The following ADGRL2 variants were observed in gnomAD, a reference collection of about 807,000 sequenced individuals.
ADGRL2 encodes the protein adhesion G protein-coupled receptor L2.
In ADGRL2, 44 loss-of-function variants were observed where a neutral mutation model predicts 157.4. That is an observed-to-expected ratio of 0.28 (90% CI 0.22 to 0.36). The LOEUF (loss-of-function observed/expected upper bound fraction) is 0.36. ADGRL2 is among the 10% of genes least tolerant of loss of function. ADGRL2 has a pLI of 1.00. For synonymous variants in ADGRL2, 585 were observed against 624.7 expected (o/e 0.94, Z 0.95); for missense variants, 1,510 against 1,768.9 (o/e 0.85, Z 2.63).
At chr1:81,720,353 A>G (rs2084265645) in intron 1 of ADGRL2, among the ~76,000 whole-genome samples, 1 of 152,054 alleles carries the variant, frequency 6.6e-6, no homozygotes, top group Non-Finnish European at 1.5e-5. Context: ...TATTTTTAGT[A>G]GTGACGGGGT....
chr1:81,809,061 T>A (rs1261198816), intron 1 of ADGRL2, among the ~76,000 whole-genome samples: 1 of 152,028 alleles, frequency 6.6e-6, no homozygotes, highest in Non-Finnish European at 1.5e-5. Context: ...AGCACAGCAT[T>A]AATCACGACC....
intron 3 of ADGRL2, chr1:81,586,016 A>G (rs1396060382): frequency 2.6e-5 from 4 of 152,090 alleles, no homozygotes; most frequent in Admixed American, 1.3e-4. Context: ...GATATAATAA[A>G]TATAAAATTT....
intron 6 of ADGRL2, among the ~76,000 whole-genome samples, chr1:81,946,837 G>A (rs1301368592): frequency 2.6e-5 from 4 of 152,110 alleles, no homozygotes; most frequent in Admixed American, 1.3e-4. Context: ...AGAAACTCTA[G>A]AGTTCATTTC....
chr1:81,385,293 A>G (rs892790717), intron 1 of ADGRL2, among the ~76,000 whole-genome samples: 16 of 152,158 alleles, frequency 1.1e-4, no homozygotes, highest in Non-Finnish European at 1.8e-4. Flanking sequence ...ATGTGAATAT[A>G]AGCCTAGCAT....
At chr1:81,606,982 C>T (rs755456653) in intron 3 of ADGRL2, among the ~76,000 whole-genome samples, 4 of 152,176 alleles carry the variant, frequency 2.6e-5, no homozygotes. Flanking sequence ...GCAACACTTT[C>T]ATGAAGTGAA....
chr1:81,526,791 T>C (rs2079468688), intron 2 of ADGRL2, among the ~76,000 whole-genome samples: 1 of 152,234 alleles, frequency 6.6e-6, no homozygotes, highest in Admixed American at 6.5e-5. Flanking sequence ...ACATTCTCCA[T>C]ATTTGGAAAC....
rs190676342 is a variant in ADGRL2, at chr1:81,819,656, A to G, written c.-100-17229A>G. Among the ~76,000 whole-genome samples the G allele has an allele frequency of 2.0e-5, 3 of 152,146 alleles. No individual in the cohort carries two copies. In the East Asian group the frequency reaches 5.8e-4, roughly 29 times the overall value. On this transcript the variant is annotated intron_variant, in intron 1 of 23. Coordinates refer to ENST00000686636, the MANE Select transcript of ADGRL2 (RefSeq NM_001366006.2). ...CTACATGATCTAGGTTTTTATTTGTATTTTAGATGAGATTTCTAGTAGGTA... is the reference window on the plus strand; with the variant it reads ...CTACATGATCTAGGTTTTTATTTGTGTTTTAGATGAGATTTCTAGTAGGTA...
intron 3 of ADGRL2, among the ~76,000 whole-genome samples, chr1:81,617,454 C>T (rs2148696561): frequency 6.6e-6 from 1 of 152,330 alleles, no homozygotes; most frequent in Middle Eastern, 3.4e-3. Flanking sequence ...GGCAACACCA[C>T]TCACATACAT....
chr1:81,426,751 G>T (rs1570936652), intron 1 of ADGRL2: 2 of 462,400 alleles, frequency 4.3e-6, no homozygotes. Context: ...AACCACACAG[G>T]TTGGTGGGTG....
At chr1:81,912,663 A>G (rs1171352197) in intron 3 of ADGRL2, among the ~76,000 whole-genome samples, 1 of 151,088 alleles carries the variant, frequency 6.6e-6, no homozygotes, top group Non-Finnish European at 1.5e-5. Context: ...CAGAGGTAAA[A>G]TTGCCATAAA....
At chr1:81,363,267 T>A (rs1338888251) in intron 1 of ADGRL2, among the ~76,000 whole-genome samples, 4 of 152,076 alleles carry the variant, frequency 2.6e-5, no homozygotes, top group Non-Finnish European at 5.9e-5. Flanking sequence ...TCTGTGATAT[T>A]TCAGCAATTC....
chr1:81,620,265 C>T (rs1268074279), intron 3 of ADGRL2, among the ~76,000 whole-genome samples: 1 of 148,406 alleles, frequency 6.7e-6, no homozygotes, highest in Non-Finnish European at 1.5e-5. Context: ...TTCAATTTCA[C>T]ATGCAAATAC....
intron 3 of ADGRL2, among the ~76,000 whole-genome samples, chr1:81,643,748 GACTA>G (rs1196088211): frequency 2.0e-5 from 3 of 152,132 alleles, no homozygotes; most frequent in Admixed American, 6.5e-5. Flanking sequence ...TGAAATCAAA[GACTA>G]ACTAAATAAA....
chr1:81,923,709 A>G (rs1323920694), intron 3 of ADGRL2, among the ~76,000 whole-genome samples: 2 of 152,182 alleles, frequency 1.3e-5, no homozygotes. Flanking sequence ...TGAGAATTCC[A>G]ACTTAGAAGG....
At chr1:81,745,789 A>C (rs901791334) in intron 1 of ADGRL2, among the ~76,000 whole-genome samples, 1 of 152,088 alleles carries the variant, frequency 6.6e-6, no homozygotes, top group Non-Finnish European at 1.5e-5. Flanking sequence ...CGAGCTTGTA[A>C]ATTCTTTGGG....
At chr1:81,706,172 C>T (rs988770942) in intron 1 of ADGRL2, among the ~76,000 whole-genome samples, 2 of 151,754 alleles carry the variant, frequency 1.3e-5, no homozygotes, top group African/African-American at 4.8e-5. Flanking sequence ...GCACTCCAGC[C>T]TGGTGACAGA....
At chr1:81,842,230 T>C (rs570195555) in intron 2 of ADGRL2, among the ~76,000 whole-genome samples, 1 of 152,056 alleles carries the variant, frequency 6.6e-6, no homozygotes, top group Non-Finnish European at 1.5e-5. Context: ...ATTCAGAAGT[T>C]AGTATCCAGT....
intron 3 of ADGRL2, among the ~76,000 whole-genome samples, chr1:81,648,318 A>G (rs2082351571): frequency 6.6e-6 from 1 of 152,190 alleles, no homozygotes; most frequent in Non-Finnish European, 1.5e-5. Flanking sequence ...TGGAAATTGA[A>G]GTCCTGACAG....
At chr1:81,358,776 G>C (rs556532383) in intron 1 of ADGRL2, among the ~76,000 whole-genome samples, 17 of 152,062 alleles carry the variant, frequency 1.1e-4, no homozygotes, top group African/African-American at 4.1e-4. Flanking sequence ...TGAAACAGAT[G>C]AGTTATAATA....
Sources: gnomAD v4.1 joint callset for allele counts (sites outside exome capture counted in the v4.1 genomes callset) on GRCh38, gnomAD v4.1.1 for gene constraint, MANE v1.5 for transcripts, NCBI Gene and HGNC (gene_info 2026-07-23, HGNC 2026-07-21) for gene names.